Variants in HLCS observed in about 807,000 individuals in gnomAD.
The protein encoded by HLCS is holocarboxylase synthetase.
In HLCS, 53 loss-of-function variants were observed where a neutral mutation model predicts 75.0. That is an observed-to-expected ratio of 0.71 (90% CI 0.57 to 0.89). The LOEUF (loss-of-function observed/expected upper bound fraction) is 0.89. Among genes scored for constraint, HLCS ranks in the 40% least tolerant of loss-of-function variants. The probability of loss-of-function intolerance (pLI) is 0.00; values close to 1 mark genes in which losing one functional copy is unlikely to be tolerated. For synonymous variants in HLCS, 431 were observed against 428.6 expected (o/e 1.01, Z -0.07); for missense variants, 966 against 1,074.0 (o/e 0.90, Z 1.41).
At position 36,813,036 on chromosome 21, in the gene HLCS, G is replaced by C. The variant is rs377178168; in HGVS notation, c.1893-45751C>G. Among the ~76,000 whole-genome samples the C allele has an allele frequency of 1.2e-4, 19 of 152,314 alleles. 1 individual carries two copies. Among genetic ancestry groups the C allele is most frequent in the African/African-American group, 4.1e-4 (17 of 41,572 alleles). On this transcript the variant is annotated intron_variant, in intron 6 of 10. Transcript: ENST00000674895. ...ATCATGCCACTACACTTCATCCTGA[G>C]CAACAGAGCGAGATTCTGTCTCAAA...
chr21:36,979,632 G>A (rs908678422), intron 1 of HLCS, among the ~76,000 whole-genome samples: 3 of 152,042 alleles, frequency 2.0e-5, no homozygotes, highest in African/African-American at 4.8e-5. Context: ...ACAGCAATAC[G>A]GACCAGGCAC....
chr21:36,779,479 A>G (rs1361476270), intron 6 of HLCS, among the ~76,000 whole-genome samples: 1 of 152,144 alleles, frequency 6.6e-6, no homozygotes, highest in Admixed American at 6.5e-5. Context: ...CCTTTTCTAT[A>G]TTCATAAATT....
chr21:36,801,975 T>C (rs574528351), intron 6 of HLCS, among the ~76,000 whole-genome samples: 94 of 152,298 alleles, frequency 6.2e-4, no homozygotes, highest in African/African-American at 2.2e-3. Flanking sequence ...CAATATGATA[T>C]ATATAATATT....
chr21:36,803,237 C>T (rs534574469), intron 6 of HLCS, among the ~76,000 whole-genome samples: 14 of 152,340 alleles, frequency 9.2e-5, no homozygotes, highest in African/African-American at 3.1e-4. Context: ...GAGAAGGAGG[C>T]TCATGGCACA....
intron 6 of HLCS, among the ~76,000 whole-genome samples, chr21:36,797,769 C>T (rs935289802): frequency 5.8e-4 from 89 of 152,180 alleles, no homozygotes; most frequent in African/African-American, 1.2e-3. Context: ...TGGGCACACA[C>T]GGTCTGAAGC....
At chr21:36,819,019 C>T (rs918519412) in intron 6 of HLCS, among the ~76,000 whole-genome samples, 2 of 152,108 alleles carry the variant, frequency 1.3e-5, no homozygotes, top group African/African-American at 4.8e-5. Flanking sequence ...TCGATGCTAA[C>T]GCCAGAAACA....
intron 5 of HLCS, among the ~76,000 whole-genome samples, chr21:36,899,824 C>T (rs772164079): frequency 5.1e-4 from 78 of 152,280 alleles, no homozygotes; most frequent in Non-Finnish European, 1.6e-4. Context: ...TTAAAAAAGT[C>T]CGGGCGCAGT....
rs770576956 is a variant in HLCS at position 36,806,545 on chromosome 21, C to T, written c.1893-39260G>A. Among the ~76,000 whole-genome samples the T allele has an allele frequency of 4.6e-5, 7 of 151,944 alleles. 1 individual carries two copies. The highest frequency in any genetic ancestry group is 4.2e-4 in the South Asian group (2 of 4,808). On this transcript the variant is annotated intron_variant, in intron 6 of 10. Transcript: ENST00000674895. ...GACCGCACAGCAAAAAAGTGGTTGCCGGGCTAGAAGCAAGATGGAAAGATG... is the reference window on the plus strand; with the variant it reads ...GACCGCACAGCAAAAAAGTGGTTGCTGGGCTAGAAGCAAGATGGAAAGATG...
At chr21:36,983,575 C>T (rs1028536875) in intron 1 of HLCS, among the ~76,000 whole-genome samples, 9 of 151,808 alleles carry the variant, frequency 5.9e-5, no homozygotes, top group African/African-American at 1.2e-4. Context: ...CAGTGGCTCA[C>T]GCCTGTAATC....
chr21:36,913,761 TA>T (rs1056067560), intron 5 of HLCS, among the ~76,000 whole-genome samples: 1 of 150,902 alleles, frequency 6.6e-6, no homozygotes, highest in Non-Finnish European at 1.5e-5. Context: ...GACTCCATCT[TA>T]AAAAAAAAGA....
rs186062852 is a variant in HLCS, at chr21:36,892,341, G to A, written c.1892+4519C>T. Among the ~76,000 whole-genome samples the A allele has an allele frequency of 9.2e-5, 14 of 152,322 alleles. No homozygotes were observed. In the East Asian group the frequency reaches 9.6e-4, roughly 10 times the overall value. On this transcript the variant is annotated intron_variant, in intron 6 of 10. Coordinates refer to ENST00000674895, the MANE Select transcript of HLCS (RefSeq NM_001352514.2). ...AGAGAGTTCCCGGAGGGCAGAACGCGGGTTGCCAGACAGCGACAAGGAAAC... is the reference window on the plus strand; with the variant it reads ...AGAGAGTTCCCGGAGGGCAGAACGCAGGTTGCCAGACAGCGACAAGGAAAC...
At chr21:36,764,919 A>G in intron 8 of HLCS, 93 bp downstream of exon 8, 1 of 1,399,580 alleles carries the variant, frequency 7.1e-7, no homozygotes, top group Middle Eastern at 1.8e-4. Flanking sequence ...GAGGTTCTAC[A>G]GCCACCAATT....
chr21:36,781,408 T>G (rs1448357141), intron 6 of HLCS, among the ~76,000 whole-genome samples: 1 of 152,194 alleles, frequency 6.6e-6, no homozygotes, highest in African/African-American at 2.4e-5. Context: ...AATATACTTT[T>G]GTGTCTTTCA....
chr21:36,905,134 T>C (rs976401495), intron 5 of HLCS, among the ~76,000 whole-genome samples: 2 of 152,216 alleles, frequency 1.3e-5, no homozygotes, highest in African/African-American at 2.4e-5. Context: ...AATGCCACAC[T>C]GTCTTATTAG....
At chr21:36,976,834 T>A (rs2068951259) in intron 1 of HLCS, among the ~76,000 whole-genome samples, 1 of 150,168 alleles carries the variant, frequency 6.7e-6, no homozygotes, top group African/African-American at 2.5e-5. Flanking sequence ...TTAAGCAAAT[T>A]ATCTCATCTC....
At chr21:36,850,295 G>A (rs1001716869) in intron 6 of HLCS, among the ~76,000 whole-genome samples, 1 of 152,228 alleles carries the variant, frequency 6.6e-6, no homozygotes, top group Non-Finnish European at 1.5e-5. Context: ...GGGACTCGGA[G>A]AATGGAGGGA....
intron 6 of HLCS, among the ~76,000 whole-genome samples, chr21:36,829,047 C>A (rs757579407): frequency 6.6e-6 from 1 of 152,200 alleles, no homozygotes; most frequent in East Asian, 1.9e-4. Flanking sequence ...CTGGTTCCAA[C>A]GGCCCCTTAC....
At chr21:36,974,367 G>C (rs2075214618) in intron 1 of HLCS, 1 of 152,302 alleles carries the variant, frequency 6.6e-6, no homozygotes, top group South Asian at 2.1e-4. Context: ...GCGGCAGGAG[G>C]CAAGGGTGTG....
At chr21:36,817,691 A>C (rs987477892) in intron 6 of HLCS, among the ~76,000 whole-genome samples, 2 of 152,214 alleles carry the variant, frequency 1.3e-5, no homozygotes, top group Non-Finnish European at 2.9e-5. Flanking sequence ...GATTTGGTAT[A>C]AGCTTCTTTC....
Sources: allele counts gnomAD v4.1 joint callset (sites outside exome capture counted in the v4.1 genomes callset), GRCh38; gene constraint gnomAD v4.1.1; transcripts MANE v1.5; gene names NCBI Gene and HGNC (gene_info 2026-07-23, HGNC 2026-07-21).